Variants in DLG2 observed in about 807,000 individuals in gnomAD.
DLG2 encodes the protein discs large MAGUK scaffold protein 2.
Under a neutral mutation model 132.5 loss-of-function variants are expected in DLG2, and 45 were observed. The observed-to-expected ratio is 0.34, with a 90% CI of 0.27 to 0.44. The LOEUF is 0.44. Among genes scored for constraint, DLG2 ranks in the 20% least tolerant of loss-of-function variants. The probability of loss-of-function intolerance (pLI) is 1.00; values close to 1 mark genes in which losing one functional copy is unlikely to be tolerated. For missense variants in DLG2, 1,045 were observed against 1,196.9 expected (o/e 0.87, Z 1.87); for synonymous variants, 424 against 419.6 (o/e 1.01, Z -0.13).
chr11:85,094,172 A>G (rs2154177449), intron 6 of DLG2, among the ~76,000 whole-genome samples: 1 of 152,356 alleles, frequency 6.6e-6, no homozygotes, highest in African/African-American at 2.4e-5. Flanking sequence ...ACAGTAAACC[A>G]TGCTGTCATC....
chr11:84,347,862 T>C (rs549512926), intron 7 of DLG2, among the ~76,000 whole-genome samples: 11 of 152,332 alleles, frequency 7.2e-5, no homozygotes, highest in African/African-American at 2.6e-4. Flanking sequence ...GCCTAGATCA[T>C]CACTATCTGA....
At chr11:85,607,707 C>A (rs2080680416) in intron 2 of DLG2, among the ~76,000 whole-genome samples, 1 of 152,218 alleles carries the variant, frequency 6.6e-6, no homozygotes, top group East Asian at 1.9e-4. Flanking sequence ...GATCCCTCCT[C>A]AGACAAGCAG....
chr11:84,688,111 C>A (rs946609836), intron 6 of DLG2, among the ~76,000 whole-genome samples: 2 of 152,128 alleles, frequency 1.3e-5, no homozygotes, highest in African/African-American at 4.8e-5. Context: ...AGAGACATCA[C>A]TGAGCAGTAG....
chr11:84,766,851 T>C (rs1024227383), intron 6 of DLG2, among the ~76,000 whole-genome samples: 1 of 152,106 alleles, frequency 6.6e-6, no homozygotes, highest in African/African-American at 2.4e-5. Context: ...AATATTTTCA[T>C]AAATAATCAT....
chr11:84,659,124 C>T (rs2099691707), intron 6 of DLG2, among the ~76,000 whole-genome samples: 1 of 152,138 alleles, frequency 6.6e-6, no homozygotes, highest in Admixed American at 6.5e-5. Flanking sequence ...GAACTTCTTT[C>T]TTTTTACTTC....
chr11:84,675,403 C>T (rs1172401177), intron 6 of DLG2, among the ~76,000 whole-genome samples: 1 of 152,022 alleles, frequency 6.6e-6, no homozygotes, highest in Non-Finnish European at 1.5e-5. Flanking sequence ...GGAAGGCTCT[C>T]CATGCAAAAA....
intron 11 of DLG2, among the ~76,000 whole-genome samples, chr11:83,997,375 T>C (rs986960851): frequency 6.6e-6 from 1 of 152,112 alleles, no homozygotes; most frequent in South Asian, 2.1e-4. Context: ...GCCTTATTTC[T>C]ACTTCTTTCT....
intron 8 of DLG2, among the ~76,000 whole-genome samples, chr11:84,237,464 A>C (rs1177380470): frequency 6.6e-6 from 1 of 152,166 alleles, no homozygotes; most frequent in East Asian, 1.9e-4. Context: ...CTTTTCCTTC[A>C]TGTGACAGCT....
At chr11:84,546,667 C>T in intron 6 of DLG2, 1 of 532,272 alleles carries the variant, frequency 1.9e-6, no homozygotes, top group Non-Finnish European at 3.6e-6. Flanking sequence ...GCATATGTGA[C>T]AAACCCAAAG....
intron 8 of DLG2, among the ~76,000 whole-genome samples, chr11:84,224,218 T>C (rs1168900299): frequency 1.3e-5 from 2 of 152,154 alleles, no homozygotes; most frequent in African/African-American, 4.8e-5. Flanking sequence ...ATTTCCAGAT[T>C]CCTGAGAGGT....
At chr11:85,228,483 A>G (rs2075105000) in intron 4 of DLG2, among the ~76,000 whole-genome samples, 2 of 152,204 alleles carry the variant, frequency 1.3e-5, no homozygotes, top group African/African-American at 4.8e-5. Context: ...TTAAGCTCAG[A>G]TTTAATCTTT....
intron 18 of DLG2, among the ~76,000 whole-genome samples, chr11:83,751,957 G>C (rs1246578183): frequency 6.6e-6 from 1 of 152,190 alleles, no homozygotes; most frequent in Non-Finnish European, 1.5e-5. Flanking sequence ...ATCAGCAAGG[G>C]AGTAGGTAGA....
chr11:84,724,912 T>G (rs956230584), intron 6 of DLG2, among the ~76,000 whole-genome samples: 1 of 152,132 alleles, frequency 6.6e-6, no homozygotes, highest in African/African-American at 2.4e-5. Flanking sequence ...AATGTTCTCA[T>G]GGTGGAAGGA....
At chr11:84,146,745 T>A (rs1397500101) in intron 9 of DLG2, among the ~76,000 whole-genome samples, 1 of 152,100 alleles carries the variant, frequency 6.6e-6, no homozygotes, top group Non-Finnish European at 1.5e-5. Context: ...ACATTCCTGA[T>A]TTGGGGTACC....
chr11:83,793,713 A>ATACC (rs767158980), intron 17 of DLG2, among the ~76,000 whole-genome samples: 33 of 152,276 alleles, frequency 2.2e-4, no homozygotes, highest in East Asian at 3.9e-4. Flanking sequence ...TAAAATGAGT[A>ATACC]TACCTACCTA....
intron 6 of DLG2, among the ~76,000 whole-genome samples, chr11:84,670,078 G>A (rs1263849265): frequency 2.0e-5 from 3 of 152,156 alleles, no homozygotes; most frequent in Non-Finnish European, 4.4e-5. Context: ...CTGGATTTCA[G>A]AGGTCCTGCA....
In DLG2 at chr11:85,467,897, C is replaced by G. The variant is rs552353431; in HGVS notation, c.40+130760G>C. ...TTCAGAAGTAATGCTACCAGCAACT[C>G]CTTGTACCTCTGGTAGAATCCAGCT... is the stretch of plus-strand genomic sequence containing the variant. On this transcript the variant is annotated intron_variant, in intron 3 of 27. Coordinates refer to ENST00000376104, the MANE Select transcript of DLG2 (RefSeq NM_001142699.3). Among the ~76,000 whole-genome samples, 72 of 152,348 alleles carry G rather than the reference C, an allele frequency of 4.7e-4. 1 individual carries two copies. Among genetic ancestry groups the G allele is most frequent in the African/African-American group, 1.6e-3 (66 of 41,582 alleles).
chr11:83,514,436 C>T (rs1450595823), intron 21 of DLG2, among the ~76,000 whole-genome samples: 8 of 152,114 alleles, frequency 5.3e-5, no homozygotes, highest in Non-Finnish European at 8.8e-5. Flanking sequence ...TGGGCTGAGA[C>T]GATGGGGTTT....
At chr11:84,366,444 A>T (rs893190249) in intron 7 of DLG2, among the ~76,000 whole-genome samples, 117 of 152,144 alleles carry the variant, frequency 7.7e-4, no homozygotes, top group African/African-American at 2.8e-3. Flanking sequence ...TAATGACAGG[A>T]TCAAATTCAC....
Sources: gnomAD v4.1 joint callset for allele counts (sites outside exome capture counted in the v4.1 genomes callset) on GRCh38, gnomAD v4.1.1 for gene constraint, MANE v1.5 for transcripts, NCBI Gene and HGNC (gene_info 2026-07-23, HGNC 2026-07-21) for gene names.